Variants in PRDM2 observed in about 807,000 individuals in gnomAD.
The protein encoded by PRDM2 is PR/SET domain 2, also known as PR domain zinc finger protein 2.
In PRDM2, 30 loss-of-function variants were observed where a neutral mutation model predicts 130.0. That is an observed-to-expected ratio of 0.23 (90% CI 0.17 to 0.31). PRDM2 has a LOEUF of 0.31. Among genes scored for constraint, PRDM2 ranks in the 10% least tolerant of loss-of-function variants. The pLI is 1.00. For missense variants in PRDM2, 2,011 were observed against 2,108.4 expected, an observed-to-expected ratio of 0.95 and a Z score of 0.90; for synonymous variants, 871 against 782.4, an observed-to-expected ratio of 1.11 and a Z score of -1.89.
chr1:13,818,062 T>C (rs1645285776), intron 9 of PRDM2, among the ~76,000 whole-genome samples: 1 of 152,174 alleles, frequency 6.6e-6, no homozygotes, highest in South Asian at 2.1e-4. Flanking sequence ...GGGAGGGGAC[T>C]GGCCACCACC....
intron 5 of PRDM2, among the ~76,000 whole-genome samples, chr1:13,743,884 G>A (rs781325016): frequency 2.1e-4 from 32 of 152,130 alleles, no homozygotes; most frequent in African/African-American, 6.3e-4. Flanking sequence ...CTGCTGGATC[G>A]TAGTAGCATG....
intron 8 of PRDM2, among the ~76,000 whole-genome samples, chr1:13,788,793 A>G (rs1237251274): frequency 6.6e-6 from 1 of 152,218 alleles, no homozygotes; most frequent in African/African-American, 2.4e-5. Flanking sequence ...CTGGATTTCC[A>G]TCCTAACCCA....
At chr1:13,749,810 C>T (rs1341089575) in intron 6 of PRDM2, among the ~76,000 whole-genome samples, 2 of 152,076 alleles carry the variant, frequency 1.3e-5, no homozygotes, top group Admixed American at 6.5e-5. Context: ...GACGGCGTTC[C>T]GGGGCCGGAC....
chr1:13,751,876 G>T (rs955615099), intron 6 of PRDM2, among the ~76,000 whole-genome samples: 2 of 152,088 alleles, frequency 1.3e-5, no homozygotes, highest in African/African-American at 4.8e-5. Context: ...GGATCATAAG[G>T]CGTGTTTGGG....
chr1:13,703,084 C>T (rs538425058), intron 1 of PRDM2, among the ~76,000 whole-genome samples: 11 of 152,348 alleles, frequency 7.2e-5, no homozygotes, highest in African/African-American at 2.6e-4. Context: ...TGGTCCATCT[C>T]TCTCTTTTTG....
chr1:13,783,132 C>T, intron 8 of PRDM2: 2 of 574,900 alleles, frequency 3.5e-6, no homozygotes, highest in South Asian at 3.1e-5. Context: ...ATGCAATCCT[C>T]TCAAACTTCC....
chr1:13,716,239 G>A (rs1261099311), intron 2 of PRDM2, among the ~76,000 whole-genome samples: 7 of 148,966 alleles, frequency 4.7e-5, no homozygotes, highest in Non-Finnish European at 8.9e-5. Flanking sequence ...TCATAGGTGG[G>A]AATTGAACAA....
intron 8 of PRDM2, among the ~76,000 whole-genome samples, chr1:13,804,361 CTG>C (rs984137484): frequency 5.9e-5 from 9 of 152,154 alleles, no homozygotes; most frequent in African/African-American, 2.2e-4. Context: ...CATTTGGAGA[CTG>C]TCTACAGAAC....
intron 9 of PRDM2, among the ~76,000 whole-genome samples, chr1:13,821,044 C>G (rs377741195): frequency 0.091 from 13,846 of 151,936 alleles, 792 homozygotes; most frequent in African/African-American, 0.15. Context: ...CCAGCCCCAT[C>G]AGACATTTCA....
chr1:13,716,385 G>A (rs990464555), intron 2 of PRDM2, among the ~76,000 whole-genome samples: 3 of 151,476 alleles, frequency 2.0e-5, no homozygotes, highest in Non-Finnish European at 4.4e-5. Context: ...CACCAGCATG[G>A]CACATGTATA....
At position 13,823,275 on chromosome 1, in the gene PRDM2, G is replaced by C. The variant is rs771383210; in HGVS notation, c.*140G>C. 7.1e-7 allele frequency: 1 copy of C among 1,403,514 alleles called. No individual in the cohort carries two copies. The highest frequency in any genetic ancestry group is 1.4e-5 in the African/African-American group (1 of 70,438). The allele number at this position is 1,403,514 out of a possible 1,614,324, so 86.9% of individuals were successfully genotyped here. On this transcript the variant is annotated 3_prime_UTR_variant, in exon 10 of 10. Coordinates refer to ENST00000311066, the MANE Select transcript of PRDM2 (RefSeq NM_001393986.1). ...AGAGAAAGGGAGTGCATGTGCGCGC[G>C]TGCATGTGTGCGTGCGTGTGTGTTC...
intron 9 of PRDM2, among the ~76,000 whole-genome samples, chr1:13,818,452 C>T (rs1285221891): frequency 1.3e-5 from 2 of 148,582 alleles, no homozygotes; most frequent in Non-Finnish European, 3.0e-5. Flanking sequence ...GATCTTGACT[C>T]ACTGCATCCT....
chr1:13,774,650 T>C (rs1203045827), intron 7 of PRDM2, among the ~76,000 whole-genome samples: 2 of 152,164 alleles, frequency 1.3e-5, no homozygotes, highest in Non-Finnish European at 2.9e-5. Flanking sequence ...GACAATTATT[T>C]TTCTCCTGAC....
chr1:13,703,226 T>C (rs1263502903), intron 1 of PRDM2, among the ~76,000 whole-genome samples: 1 of 152,156 alleles, frequency 6.6e-6, no homozygotes, highest in Non-Finnish European at 1.5e-5. Context: ...CTTACTGACA[T>C]TTGGGTGAGA....
intron 2 of PRDM2, chr1:13,717,377 T>G (rs772797004): frequency 6.2e-4 from 614 of 984,018 alleles, no homozygotes; most frequent in Non-Finnish European, 7.2e-4. Flanking sequence ...TTCTCTGCAG[T>G]CTAGGAACTG....
At chr1:13,723,388 GC>G (rs1484652090) in intron 2 of PRDM2, among the ~76,000 whole-genome samples, 2 of 152,208 alleles carry the variant, frequency 1.3e-5, no homozygotes, top group Non-Finnish European at 2.9e-5. Context: ...AGGTAGCGCT[GC>G]TCCAGCACAT....
chr1:13,738,521 TA>T (rs1333988072), intron 4 of PRDM2, among the ~76,000 whole-genome samples: 2 of 152,222 alleles, frequency 1.3e-5, no homozygotes, highest in African/African-American at 4.8e-5. Flanking sequence ...CTAGTTAGTC[TA>T]ATTTTAAGAG....
intron 2 of PRDM2, among the ~76,000 whole-genome samples, chr1:13,725,843 A>G (rs969483132): frequency 6.6e-6 from 1 of 152,198 alleles, no homozygotes; most frequent in African/African-American, 2.4e-5. Flanking sequence ...ACTGTGAGGT[A>G]TGAGACCCCA....
chr1:13,783,353 A>G (rs1644664264), intron 8 of PRDM2: 1 of 361,600 alleles, frequency 2.8e-6, no homozygotes, highest in Admixed American at 3.7e-5. Flanking sequence ...CGGTCAAAAC[A>G]AAACATAGTC....
Sources: gnomAD v4.1 joint callset for allele counts (sites outside exome capture counted in the v4.1 genomes callset) on GRCh38, gnomAD v4.1.1 for gene constraint, MANE v1.5 for transcripts, NCBI Gene and HGNC (gene_info 2026-07-23, HGNC 2026-07-21) for gene names.